Variants in DCC observed in about 807,000 individuals in gnomAD.
DCC encodes the protein netrin receptor DCC.
In DCC, 58 loss-of-function variants were observed where a neutral mutation model predicts 172.5. The ratio of observed to expected loss-of-function variants is 0.34; its 90% CI spans 0.27 to 0.42. The LOEUF (loss-of-function observed/expected upper bound fraction) is 0.42. Among genes scored for constraint, DCC ranks in the 10% least tolerant of loss-of-function variants. DCC has a pLI of 1.00. For synonymous variants in DCC, 709 were observed against 644.5 expected (o/e 1.10, Z -1.52); for missense variants, 1,740 against 1,791.0 (o/e 0.97, Z 0.51).
rs372205992 is a variant in DCC, at chr18:53,506,133, C to T, written c.4111+6623C>T. 1.2e-4 allele frequency among the ~76,000 whole-genome samples: 19 copies of T among 152,244 alleles called. No homozygotes were observed. In the South Asian group the frequency reaches 3.3e-3, roughly 27 times the overall value. On this transcript the variant is annotated intron_variant, in intron 27 of 28. Transcript: ENST00000442544. ...GAATACCTTTCAACTTTTCCAGGGT[C>T]ATGTGTCATTATTCTTAGGACCTTC...
chr18:52,877,705 A>AC (rs2039424128), intron 2 of DCC, among the ~76,000 whole-genome samples: 1 of 51,506 alleles, frequency 1.9e-5, no homozygotes. Flanking sequence ...GAGACAATAT[A>AC]AAAAAAAAAA....
chr18:52,614,804 C>G (rs1241752971), intron 1 of DCC, among the ~76,000 whole-genome samples: 1 of 152,044 alleles, frequency 6.6e-6, no homozygotes, highest in East Asian at 1.9e-4. Flanking sequence ...GCATATGTGT[C>G]TCTATAATGT....
chr18:52,637,380 G>A (rs1176592872), intron 1 of DCC, among the ~76,000 whole-genome samples: 17 of 152,130 alleles, frequency 1.1e-4, no homozygotes, highest in Admixed American at 1.1e-3. Flanking sequence ...AGGGACTAGA[G>A]AAAGACAAAG....
chr18:53,430,596 T>A (rs1257454245), intron 21 of DCC, among the ~76,000 whole-genome samples: 2 of 152,288 alleles, frequency 1.3e-5, no homozygotes, highest in African/African-American at 4.8e-5. Context: ...TAAACATTAA[T>A]GTTATTTCAT....
chr18:53,270,976 T>C (rs2056741773), intron 12 of DCC, among the ~76,000 whole-genome samples: 1 of 152,154 alleles, frequency 6.6e-6, no homozygotes, highest in Non-Finnish European at 1.5e-5. Context: ...ATTACCCATT[T>C]TATTGTTAAG....
intron 15 of DCC, among the ~76,000 whole-genome samples, chr18:53,369,315 GT>G (rs1194730001): frequency 6.6e-6 from 1 of 151,690 alleles, no homozygotes; most frequent in Non-Finnish European, 1.5e-5. Context: ...AGGTGTTTTG[GT>G]TTTTTTGTAC....
chr18:52,879,412 C>CTTTTTTTTTTTTTTTTTTTTT lies in DCC; in HGVS notation c.413-26623_413-26603dup, dbSNP rs71175533. 1.5e-3 allele frequency among the ~76,000 whole-genome samples: 95 copies of CTTTTTTTTTTTTTTTTTTTTT among 62,308 alleles called. 24 individuals are homozygous for CTTTTTTTTTTTTTTTTTTTTT. Among genetic ancestry groups the CTTTTTTTTTTTTTTTTTTTTT allele is most frequent in the East Asian group, 2.4e-3 (4 of 1,696 alleles). The allele number at this position is 62,308 out of a possible 152,430, so 40.9% of individuals were successfully genotyped here. On this transcript the variant is annotated intron_variant, in intron 2 of 28. Transcript: ENST00000442544. ...AATTTCTAGCCCATATGTTGTTTGG[C>CTTTTTTTTTTTTTTTTTTTTT]TTTTTTTTTTTTTTTTTTTTTTTTT... is the stretch of plus-strand genomic sequence containing the variant.
intron 7 of DCC, among the ~76,000 whole-genome samples, chr18:53,068,819 T>TGTGTG: frequency 8.7e-6 from 1 of 115,176 alleles, no homozygotes; most frequent in Non-Finnish European, 1.8e-5. Flanking sequence ...GTGTGTGTGT[T>TGTGTG]GCTGGGGACT....
At chr18:52,773,844 T>A (rs4940210) in intron 2 of DCC, among the ~76,000 whole-genome samples, 91,409 of 151,202 alleles carry the variant, frequency 0.6, 29,712 homozygotes, top group Non-Finnish European at 0.73. Context: ...ATATATATAT[T>A]TTTTAAAGGT....
chr18:52,387,633 T>TC (rs1985864879), intron 1 of DCC, among the ~76,000 whole-genome samples: 5 of 150,784 alleles, frequency 3.3e-5, no homozygotes, highest in Non-Finnish European at 7.4e-5. Flanking sequence ...CTTCCTTCCT[T>TC]CTGTCCTTCC....
At chr18:53,372,634 TAAATA>T (rs1333516307) in intron 15 of DCC, among the ~76,000 whole-genome samples, 4 of 152,092 alleles carry the variant, frequency 2.6e-5, no homozygotes, top group Admixed American at 6.6e-5. Context: ...ATATATGTAT[TAAATA>T]AAAGTGATAT....
intron 7 of DCC, among the ~76,000 whole-genome samples, chr18:53,144,878 G>T (rs1238787121): frequency 5.3e-5 from 8 of 152,018 alleles, no homozygotes; most frequent in Admixed American, 5.2e-4. Flanking sequence ...TTTCAGTTTG[G>T]AAGAAATTCA....
chr18:52,520,806 G>A (rs1302876908), intron 1 of DCC, among the ~76,000 whole-genome samples: 1 of 151,852 alleles, frequency 6.6e-6, no homozygotes, highest in East Asian at 1.9e-4. Flanking sequence ...TATAACATTG[G>A]TTAAAAGTGC....
chr18:53,415,050 C>A (rs1257295890), intron 20 of DCC, among the ~76,000 whole-genome samples: 1 of 152,152 alleles, frequency 6.6e-6, no homozygotes, highest in Admixed American at 6.5e-5. Context: ...GAATCAATAT[C>A]TACGTATTTC....
At chr18:52,895,620 T>A (rs530135362) in intron 2 of DCC, among the ~76,000 whole-genome samples, 1 of 152,240 alleles carries the variant, frequency 6.6e-6, no homozygotes, top group Non-Finnish European at 1.5e-5. Flanking sequence ...GGATGTATAA[T>A]GTTATGTACA....
chr18:53,344,319 A>G (rs1349975064), intron 15 of DCC, among the ~76,000 whole-genome samples: 2 of 151,000 alleles, frequency 1.3e-5, no homozygotes. Flanking sequence ...GCATTTCCTA[A>G]TTTTCCTGTG....
intron 16 of DCC, 111 bp from the exon 17 acceptor site, chr18:53,391,544 T>C (rs1179974518): frequency 2.7e-6 from 2 of 744,252 alleles, no homozygotes; most frequent in Non-Finnish European, 4.9e-6. Flanking sequence ...CCTTTCATCA[T>C]TATTGCCATG....
chr18:53,070,426 T>C (rs188382962), intron 7 of DCC, among the ~76,000 whole-genome samples: 1 of 152,312 alleles, frequency 6.6e-6, no homozygotes, highest in Admixed American at 6.5e-5. Flanking sequence ...AATAAAAAGC[T>C]ATTTCCTTCT....
chr18:53,049,555 G>A (rs1330787707), intron 5 of DCC, among the ~76,000 whole-genome samples: 1 of 151,930 alleles, frequency 6.6e-6, no homozygotes, highest in Non-Finnish European at 1.5e-5. Context: ...GTCTGCTTTT[G>A]TACCAGTACC....
Sources: gnomAD v4.1 joint callset for allele counts (sites outside exome capture counted in the v4.1 genomes callset) on GRCh38, gnomAD v4.1.1 for gene constraint, MANE v1.5 for transcripts, NCBI Gene and HGNC (gene_info 2026-07-23, HGNC 2026-07-21) for gene names.